MSH4: variants seen among roughly 807,000 people sequenced by gnomAD.
MSH4 encodes mutS homolog 4, also known as mutS protein homolog 4.
In MSH4, 106 loss-of-function variants were observed where a neutral mutation model predicts 113.7. The ratio of observed to expected loss-of-function variants is 0.93; its 90% CI spans 0.80 to 1.10. The LOEUF (loss-of-function observed/expected upper bound fraction) is 1.10, where lower values mean the gene tolerates loss of function less well. Among genes scored for constraint, MSH4 ranks in the 50% least tolerant of loss-of-function variants. MSH4 has a pLI of 0.00. For synonymous variants in MSH4, 368 were observed against 380.2 expected (o/e 0.97, Z 0.37); for missense variants, 1,061 against 1,093.7 (o/e 0.97, Z 0.42).
Position 75,815,021 on chromosome 1 carries a change from A to G in MSH4, c.700A>G (p.Asn234Asp), listed in dbSNP as rs745523512. 2 of 1,549,818 alleles carry G rather than the reference A, an allele frequency of 1.3e-6. No homozygotes were observed. Among genetic ancestry groups the G allele is most frequent in the South Asian group, 2.3e-5 (2 of 87,214 alleles). ...TTTTGAAATTAAAACTTCTTTTCAG[A>G]ATGTTAATTTCACTACTATCCAAAG... ...LFTLITENFKNVNFTTIQRKY... is the reference protein window; with the variant it reads ...LFTLITENFKDVNFTTIQRKY... The change falls in exon 5 of 20, where the codon AAT becomes GAT. Residue 234 changes from asparagine (N) to aspartate (D), a missense_variant and splice_region_variant. By Grantham distance (23) the Asn-to-Asp change is conservative (BLOSUM62 1). Transcript: ENST00000263187.
intron 17 of MSH4, among the ~76,000 whole-genome samples, chr1:75,896,250 T>C (rs1652377519): frequency 2.0e-5 from 3 of 152,032 alleles, no homozygotes; most frequent in South Asian, 4.1e-4. Context: ...ATCAACTCTC[T>C]TGGGTCTCCA....
rs139769002 is a variant in MSH4 at position 75,824,129 on chromosome 1, C to T, written c.1162+1548C>T. Among the ~76,000 whole-genome samples the T allele has an allele frequency of 2.9e-3, 435 of 152,228 alleles. 5 individuals are homozygous for T. Among genetic ancestry groups the T allele is most frequent in the African/African-American group, 0.01 (421 of 41,548 alleles). On this transcript the variant is annotated intron_variant, in intron 7 of 19. Transcript: ENST00000263187. The stretch of plus-strand genomic sequence containing the variant: ...TGTTCCTATTTCTCCACATCCTCTC[C>T]AGCATCTGTTGTTTCCTTACTTTTT...
At chr1:75,885,201 G>A (rs1405524442) in intron 15 of MSH4, among the ~76,000 whole-genome samples, 1 of 142,956 alleles carries the variant, frequency 7.0e-6, no homozygotes, top group Non-Finnish European at 1.5e-5. Context: ...TATATATATA[G>A]GGTATATATA....
At chr1:75,888,596 G>A (rs1371723649) in intron 15 of MSH4, among the ~76,000 whole-genome samples, 2 of 122,260 alleles carry the variant, frequency 1.6e-5, no homozygotes, top group Non-Finnish European at 3.4e-5. Context: ...ATTTTCTTCA[G>A]ATTTTCATAT....
chr1:75,840,312 A>T (rs1298063894), intron 7 of MSH4, among the ~76,000 whole-genome samples: 1 of 142,746 alleles, frequency 7.0e-6, no homozygotes, highest in Non-Finnish European at 1.5e-5. Flanking sequence ...AATGTGGCAC[A>T]TATACACCAC....
chr1:75,829,511 G>A (rs1570953536), intron 7 of MSH4, among the ~76,000 whole-genome samples: 2 of 152,326 alleles, frequency 1.3e-5, no homozygotes, highest in Admixed American at 1.3e-4. Context: ...TGACCCCCAA[G>A]TAGCCTAACT....
chr1:75,897,067 T>C (rs1216890856), intron 17 of MSH4, among the ~76,000 whole-genome samples: 1 of 152,196 alleles, frequency 6.6e-6, no homozygotes, highest in Non-Finnish European at 1.5e-5. Context: ...AAATTTCCAC[T>C]GAACACCTAC....
Position 75,839,832 on chromosome 1 carries a change from A to G in MSH4, c.1163-8377A>G, listed in dbSNP as rs1570960517. Among the ~76,000 whole-genome samples, 4 of 147,836 alleles carry G rather than the reference A, an allele frequency of 2.7e-5. No homozygotes were observed. In the South Asian group the frequency reaches 9.3e-4, roughly 34 times the overall value. Reference sequence around the variant, plus strand: ...CCAACAAATTTACAAGAAAAAAACAAACAACCCCATCAAAAAGTGGGTGAA... The same window carrying G: ...CCAACAAATTTACAAGAAAAAAACAGACAACCCCATCAAAAAGTGGGTGAA... On this transcript the variant is annotated intron_variant, in intron 7 of 19. Coordinates refer to ENST00000263187, the MANE Select transcript of MSH4 (RefSeq NM_002440.4).
At chr1:75,860,752 T>C (rs1022580444) in intron 8 of MSH4, among the ~76,000 whole-genome samples, 5 of 152,194 alleles carry the variant, frequency 3.3e-5, no homozygotes, top group African/African-American at 1.2e-4. Context: ...GGGGTTGCTC[T>C]TCTTGAGGAG....
At chr1:75,825,860 G>A (rs1171214018) in intron 7 of MSH4, among the ~76,000 whole-genome samples, 5 of 152,124 alleles carry the variant, frequency 3.3e-5, no homozygotes, top group Non-Finnish European at 5.9e-5. Flanking sequence ...GCTGGATTCG[G>A]TTTGCCAGTA....
chr1:75,807,700 G>A (rs1020375568), intron 3 of MSH4, among the ~76,000 whole-genome samples: 20 of 152,306 alleles, frequency 1.3e-4, no homozygotes, highest in African/African-American at 4.6e-4. Flanking sequence ...AAATTGGCAA[G>A]GGATAGACTT....
At chr1:75,808,536 CTG>C (rs1385585730) in intron 3 of MSH4, among the ~76,000 whole-genome samples, 1 of 152,018 alleles carries the variant, frequency 6.6e-6, no homozygotes, top group African/African-American at 2.4e-5. Flanking sequence ...TCTTCCAGAA[CTG>C]TGTTTTTGGG....
At chr1:75,885,047 G>C (rs12723407) in intron 15 of MSH4, among the ~76,000 whole-genome samples, 1 of 108,952 alleles carries the variant, frequency 9.2e-6, no homozygotes, top group African/African-American at 4.5e-5. Flanking sequence ...GTGTGTGTGT[G>C]TGTGTGTGTG....
chr1:75,833,309 T>C (rs1423149009), intron 7 of MSH4, among the ~76,000 whole-genome samples: 1 of 152,176 alleles, frequency 6.6e-6, no homozygotes, highest in Non-Finnish European at 1.5e-5. Flanking sequence ...TGGAAGCACA[T>C]TCCATGCTCA....
At chr1:75,852,579 G>A (rs189937790) in intron 8 of MSH4, among the ~76,000 whole-genome samples, 10 of 152,192 alleles carry the variant, frequency 6.6e-5, no homozygotes, top group Non-Finnish European at 1.2e-4. Flanking sequence ...TGAGCCTGTC[G>A]GGTGTCTCAT....
intron 19 of MSH4, among the ~76,000 whole-genome samples, chr1:75,908,228 C>A (rs1476213464): frequency 6.7e-6 from 1 of 149,456 alleles, no homozygotes; most frequent in Non-Finnish European, 1.5e-5. Context: ...TCACTGCAAC[C>A]TCTGCCTCCT....
chr1:75,854,173 C>T (rs1001774391), intron 8 of MSH4, among the ~76,000 whole-genome samples: 32 of 151,562 alleles, frequency 2.1e-4, no homozygotes, highest in African/African-American at 7.5e-4. Context: ...ATTAGTAACT[C>T]TCTTCTCTGT....
At chr1:75,826,912 G>A (rs1004284778) in intron 7 of MSH4, among the ~76,000 whole-genome samples, 4 of 152,136 alleles carry the variant, frequency 2.6e-5, no homozygotes, top group Non-Finnish European at 5.9e-5. Context: ...GCTATGTGGT[G>A]CTGAGAAGAA....
chr1:75,803,786 T>C lies in MSH4; in HGVS notation c.300T>C (p.Phe100=), dbSNP rs1234301409. Residue 100 remains phenylalanine, a synonymous_variant, in exon 2 of 20, where the codon TTT becomes TTC. Coordinates refer to ENST00000263187, the MANE Select transcript of MSH4 (RefSeq NM_002440.4). The stretch of plus-strand genomic sequence containing the variant: ...CAGAAAACACAGTTGCATCAAATTT[T>C]ACTTTTGGTGCAAGCTCATCTTCTG... ...AYAENTVASN[F]TFGASSSSAR... 6.2e-7 allele frequency: 1 copy of C among 1,604,634 alleles called. No individual in the cohort carries two copies. The highest frequency in any genetic ancestry group is 1.7e-5 in the Admixed American group (1 of 57,904).
Sources: allele counts gnomAD v4.1 joint callset (sites outside exome capture counted in the v4.1 genomes callset), GRCh38; gene constraint gnomAD v4.1.1; transcripts MANE v1.5; gene names NCBI Gene and HGNC (gene_info 2026-07-23, HGNC 2026-07-21).